PIP4K2C: variants seen among roughly 807,000 people sequenced by gnomAD.
PIP4K2C encodes the protein phosphatidylinositol 5-phosphate 4-kinase type-2 gamma.
PIP4K2C carries 21 observed loss-of-function variants against 45.0 expected under a neutral mutation model. That is an observed-to-expected ratio of 0.47 (90% CI 0.33 to 0.67). The LOEUF (loss-of-function observed/expected upper bound fraction) is 0.67, where lower values mean the gene tolerates loss of function less well. Ranked by LOEUF, PIP4K2C falls within the 30% of genes least tolerant of loss-of-function variation. The pLI is 0.02. For synonymous variants in PIP4K2C, 201 were observed against 204.8 expected, an observed-to-expected ratio of 0.98 and a Z score of 0.16; for missense variants, 456 against 542.8, an observed-to-expected ratio of 0.84 and a Z score of 1.59.
intron 4 of PIP4K2C, among the ~76,000 whole-genome samples, chr12:57,597,634 A>G (rs952428757): frequency 6.6e-6 from 1 of 152,234 alleles, no homozygotes; most frequent in African/African-American, 2.4e-5. Flanking sequence ...GGTTGTGTGC[A>G]GTGAAATGAA....
intron 1 of PIP4K2C, among the ~76,000 whole-genome samples, chr12:57,592,402 G>T (rs1325064199): frequency 6.6e-6 from 1 of 152,238 alleles, no homozygotes; most frequent in Non-Finnish European, 1.5e-5. Context: ...TCATGGCTAG[G>T]CTGTGGAGAT....
intron 1 of PIP4K2C, among the ~76,000 whole-genome samples, chr12:57,593,259 G>C (rs180690985): frequency 4.6e-5 from 7 of 152,212 alleles, no homozygotes; most frequent in African/African-American, 1.7e-4. Context: ...GAGAAAGCAC[G>C]GCTCAGGATT....
At position 57,599,537 on chromosome 12, in the gene PIP4K2C, G is replaced by A. The variant is rs113383849; in HGVS notation, c.699+99G>A. On this transcript the variant is annotated intron_variant, in intron 6 of 9. Transcript: ENST00000354947. ...GGAGAGGCCACTCTATATAGGAATAGGGATTACTAGCTATTTATTATCTTA... is the reference window on the plus strand; with the variant it reads ...GGAGAGGCCACTCTATATAGGAATAAGGATTACTAGCTATTTATTATCTTA... 43 of 1,253,066 alleles carry A rather than the reference G, an allele frequency of 3.4e-5. No individual in the cohort carries two copies. In the African/African-American group the frequency reaches 5.6e-4, roughly 16 times the overall value. The allele number at this position is 1,253,066 out of a possible 1,614,324, so 77.6% of individuals were successfully genotyped here. A position where few individuals can be genotyped will look rare whatever the true frequency, so the allele number is the denominator to read the frequency against.
At position 57,591,272 on chromosome 12, in the gene PIP4K2C, T is replaced by A. The variant is rs770693264; in HGVS notation, c.-18T>A. ...GCTGCCGGCTCCGGCTTCCACTTGG[T>A]CGGTTGCGCGGGAGACTATGGCGTC... On this transcript the variant is annotated 5_prime_UTR_variant, in exon 1 of 10. Transcript: ENST00000354947. 5 of 1,591,078 alleles carry A rather than the reference T, an allele frequency of 3.1e-6. No homozygotes were observed. In the South Asian group the frequency reaches 5.6e-5, roughly 18 times the overall value.
In PIP4K2C at chr12:57,603,414, C is replaced by T. The variant is rs1883535977; in HGVS notation, c.*1808C>T. 6.8e-6 allele frequency: 1 copy of T among 147,146 alleles called. No individual in the cohort carries two copies. The highest frequency in any genetic ancestry group is 1.5e-5 in the Non-Finnish European group (1 of 67,222). The allele number at this position is 147,146 out of a possible 1,614,324, so 9.1% of individuals were successfully genotyped here. ...TAATACAGGGAATAAATTATTCAATCCAAATTTCTGTACAGAAATGCCTTT... is the reference window on the plus strand; with the variant it reads ...TAATACAGGGAATAAATTATTCAATTCAAATTTCTGTACAGAAATGCCTTT... On this transcript the variant is annotated 3_prime_UTR_variant, in exon 10 of 10. Coordinates refer to ENST00000354947, the MANE Select transcript of PIP4K2C (RefSeq NM_024779.5).
At position 57,602,707 on chromosome 12, in the gene PIP4K2C, G is replaced by C. The variant is rs546456032; in HGVS notation, c.*1101G>C. The C allele has an allele frequency of 6.6e-6, 1 of 152,590 alleles. No individual in the cohort carries two copies. The highest frequency in any genetic ancestry group is 2.1e-4 in the South Asian group (1 of 4,798). The allele number at this position is 152,590 out of a possible 1,614,324, so 9.5% of individuals were successfully genotyped here. A position where few individuals can be genotyped will look rare whatever the true frequency, so the allele number is the denominator to read the frequency against. ...TGGATTTGTTTTTCTGTTCTCTTCT[G>C]TCCTGTCTTATACTGCAACTGTGTC... On this transcript the variant is annotated 3_prime_UTR_variant, in exon 10 of 10. Transcript: ENST00000354947.
At chr12:57,599,881 C>G (rs1178344184) in intron 6 of PIP4K2C, among the ~76,000 whole-genome samples, 1 of 151,962 alleles carries the variant, frequency 6.6e-6, no homozygotes, top group African/African-American at 2.4e-5. Context: ...TAATCTCTAC[C>G]AAAAACACAA....
At chr12:57,601,440 G>A in intron 9 of PIP4K2C, 86 bp from the exon 10 acceptor site, 2 of 1,529,198 alleles carry the variant, frequency 1.3e-6, no homozygotes, top group Admixed American at 1.7e-5. Flanking sequence ...GCAAAAGAAT[G>A]GAGGTGGTCT....
rs144742314 is a variant in PIP4K2C at position 57,593,802 on chromosome 12, T to A, written c.175-223T>A. ...TTGTGAGCATGAAGTTCCATGGGGG[T>A]GGGCGTGTTGGGGGCTGTGTGTGAG... On this transcript the variant is annotated intron_variant, in intron 1 of 9. Transcript: ENST00000354947. Among the ~76,000 whole-genome samples, 700 of 143,236 alleles carry A rather than the reference T, an allele frequency of 4.9e-3. 20 individuals carry two copies. In the East Asian group the frequency reaches 0.086, roughly 18 times the overall value. 94.0% of individuals were successfully genotyped at this position (143,236 alleles called of 152,430 possible).
Position 57,597,134 on chromosome 12 carries a change from AGGT to A in PIP4K2C, c.513+1107_513+1109del, listed in dbSNP as rs371928086. Among the ~76,000 whole-genome samples, 973 of 152,352 alleles carry A rather than the reference AGGT, an allele frequency of 6.4e-3. 5 individuals carry two copies. Among genetic ancestry groups the A allele is most frequent in the African/African-American group, 0.023 (939 of 41,582 alleles). On this transcript the variant is annotated intron_variant, in intron 4 of 9. Coordinates refer to ENST00000354947, the MANE Select transcript of PIP4K2C (RefSeq NM_024779.5). ...CAAAGAAGTTTGGACTTTATCCTGA[AGGT>A]GGTTTTGCAAGGGGCGTGATATATT...
chr12:57,600,430 A>G lies in PIP4K2C; in HGVS notation c.806A>G (p.Asp269Gly), dbSNP rs1246959192. The change falls in exon 7 of 10, where the codon GAT becomes GGT. Residue 269 changes from aspartate to glycine, a missense_variant. By Grantham distance (94) the Asp-to-Gly change is moderately conservative (BLOSUM62 -1). Transcript: ENST00000354947. ...ATATTTCTGGAGAAGCTGAAGAGAG[A>G]TGTGGAGGTGATGATTGGGTGCTCT... is the stretch of plus-strand genomic sequence containing the variant. ...KKIFLEKLKR[D>G]VEFLVQLKIM... is the part of the protein sequence containing the mutation. The G allele has an allele frequency of 6.3e-7, 1 of 1,594,336 alleles. No individual in the cohort carries two copies. Among genetic ancestry groups the G allele is most frequent in the Admixed American group, 1.7e-5 (1 of 59,844 alleles).
chr12:57,601,666 T>C lies in PIP4K2C; in HGVS notation c.*60T>C. ...TGGGGTTCTGAGACACTTGGGGGAA[T>C]TGTGGGGATATTCTAGCCACCAGTT... On this transcript the variant is annotated 3_prime_UTR_variant, in exon 10 of 10. Coordinates refer to ENST00000354947, the MANE Select transcript of PIP4K2C (RefSeq NM_024779.5). 4 of 1,417,246 alleles carry C rather than the reference T, an allele frequency of 2.8e-6. No homozygotes were observed. The highest frequency in any genetic ancestry group is 4.0e-6 in the Non-Finnish European group (4 of 1,000,710). The allele number at this position is 1,417,246 out of a possible 1,614,324, so 87.8% of individuals were successfully genotyped here. A position where few individuals can be genotyped will look rare whatever the true frequency, so the allele number is the denominator to read the frequency against.
At position 57,595,109 on chromosome 12, in the gene PIP4K2C, G is replaced by T. The variant is rs746087245; in HGVS notation, c.273-17G>T. The T allele has an allele frequency of 6.6e-7, 1 of 1,524,276 alleles. No homozygotes were observed. Among genetic ancestry groups the T allele is most frequent in the Non-Finnish European group, 9.1e-7 (1 of 1,098,420 alleles). The allele number at this position is 1,524,276 out of a possible 1,614,324, so 94.4% of individuals were successfully genotyped here. A position where few individuals can be genotyped will look rare whatever the true frequency, so the allele number is the denominator to read the frequency against. ...GTAATATTGTTTGTTTTCTTACTTTGAAAACCTGAATTTCAGGGAAAATCT... is the reference window on the plus strand; with the variant it reads ...GTAATATTGTTTGTTTTCTTACTTTTAAAACCTGAATTTCAGGGAAAATCT... On this transcript the variant is annotated splice_polypyrimidine_tract_variant and intron_variant, in intron 2 of 9. Transcript: ENST00000354947.
At chr12:57,595,816 AC>A in intron 3 of PIP4K2C, 71 bp from the exon 4 acceptor site, 1 of 1,541,508 alleles carries the variant, frequency 6.5e-7, no homozygotes, top group Non-Finnish European at 8.9e-7. Context: ...CTTTCAGCTG[AC>A]CATTTTCCTA....
Position 57,600,839 on chromosome 12 carries a change from A to G in PIP4K2C, c.842A>G (p.Tyr281Cys). 6.2e-7 allele frequency: 1 copy of G among 1,614,198 alleles called. No individual in the cohort carries two copies. Among genetic ancestry groups the G allele is most frequent in the Non-Finnish European group, 8.5e-7 (1 of 1,180,034 alleles). The change falls in exon 8 of 10, where the codon TAC (tyrosine) becomes TGC (cysteine). Residue 281 changes from tyrosine to cysteine, a missense_variant. Tyr to Cys is a radical substitution (Grantham distance 194). This residue lies in a region of PIP4K2C where 421 missense variants were observed against 473.1 expected (regional missense o/e 0.89). Transcript: ENST00000354947. ...EFLVQLKIMDYSLLLGIHDII... is the reference protein window; with the variant it reads ...EFLVQLKIMDCSLLLGIHDII... ...CTAGTGCAGCTGAAGATCATGGACTACAGCCTTCTGCTAGGCATCCACGAC... is the reference window on the plus strand; with the variant it reads ...CTAGTGCAGCTGAAGATCATGGACTGCAGCCTTCTGCTAGGCATCCACGAC...
In PIP4K2C at chr12:57,601,641, T is replaced by G. The variant is rs199634137; in HGVS notation, c.*35T>G. ...TGGTTCTCTCTGATGTTCAAGGTGG[T>G]GGGGTTCTGAGACACTTGGGGGAAT... On this transcript the variant is annotated 3_prime_UTR_variant, in exon 10 of 10. Coordinates refer to ENST00000354947, the MANE Select transcript of PIP4K2C (RefSeq NM_024779.5). The G allele has an allele frequency of 2.6e-6, 4 of 1,547,986 alleles. No individual in the cohort carries two copies. The highest frequency in any genetic ancestry group is 3.6e-6 in the Non-Finnish European group (4 of 1,119,882).
In PIP4K2C at chr12:57,595,958, G is replaced by A. The variant is rs1337543230; in HGVS notation, c.440G>A (p.Arg147Gln). 1.2e-6 allele frequency: 2 copies of A among 1,613,854 alleles called. No homozygotes were observed. The highest frequency in any genetic ancestry group is 1.7e-5 in the Admixed American group (1 of 60,006). Residue 147 changes from arginine (R) to glutamine (Q), a missense_variant, in exon 4 of 10, where the codon CGG becomes CAG. Around this residue, in one of 2 missense-constraint regions of PIP4K2C, gnomAD observed 421 missense variants for 473.1 expected, o/e 0.89. Coordinates refer to ENST00000354947, the MANE Select transcript of PIP4K2C (RefSeq NM_024779.5). The stretch of plus-strand genomic sequence containing the variant: ...GGTCGCTTCCTTATCTCCTACGATC[G>A]GACTCTGGTCATCAAAGAAGTATCC... ...SDGRFLISYD[R>Q]TLVIKEVSSE...
At chr12:57,596,432 C>G (rs1359653221) in intron 4 of PIP4K2C, among the ~76,000 whole-genome samples, 1 of 151,056 alleles carries the variant, frequency 6.6e-6, no homozygotes, top group African/African-American at 2.4e-5. Flanking sequence ...TTGTAGTGAG[C>G]CGAGATCGTG....
Position 57,600,326 on chromosome 12 carries a change from TA to T in PIP4K2C, c.705del (p.Glu236AsnfsTer31). 1.3e-6 allele frequency: 2 copies of T among 1,585,390 alleles called. No individual in the cohort carries two copies. The highest frequency in any genetic ancestry group is 8.7e-7 in the Non-Finnish European group (1 of 1,155,944). ...SREASDKEKV[K>X]ELPTLKDMDF... is the part of the protein sequence containing the mutation. Reference sequence around the variant, plus strand: ...GATGTCCCTTTACATATTCTTAGGTTAAAGAATTGCCCACCCTTAAGGATAT... The same window carrying T: ...GATGTCCCTTTACATATTCTTAGGTTAAGAATTGCCCACCCTTAAGGATAT... On this transcript the variant is annotated frameshift_variant, in exon 7 of 10. Transcript: ENST00000354947. LOFTEE classifies it high-confidence loss of function.
Sources: gnomAD v4.1 joint callset for allele counts (sites outside exome capture counted in the v4.1 genomes callset) on GRCh38, gnomAD v4.1.1 for gene constraint, gnomAD v4.1.1 regional missense constraint, MANE v1.5 for transcripts, NCBI Gene and HGNC (gene_info 2026-07-23, HGNC 2026-07-21) for gene names.